The following CDH8 variants were observed in gnomAD, a reference collection of about 807,000 sequenced individuals.
The protein encoded by CDH8 is cadherin-8.
A neutral mutation model predicts 68.1 loss-of-function variants in CDH8; 17 were observed. The observed-to-expected ratio is 0.25, with a 90% CI of 0.17 to 0.37. The LOEUF (loss-of-function observed/expected upper bound fraction) is 0.37, where lower values mean the gene tolerates loss of function less well. CDH8 is among the 10% of genes least tolerant of loss of function. The pLI, the probability that CDH8 is intolerant of heterozygous loss-of-function variation, is 1.00. For synonymous variants in CDH8, 372 were observed against 365.1 expected, an observed-to-expected ratio of 1.02 and a Z score of -0.21; for missense variants, 763 against 999.3, an observed-to-expected ratio of 0.76 and a Z score of 3.19.
In CDH8 at chr16:61,887,570, G is replaced by T. The variant is rs577684804; in HGVS notation, c.547+13609C>A. On this transcript the variant is annotated intron_variant, in intron 3 of 11. Coordinates refer to ENST00000577390, the MANE Select transcript of CDH8 (RefSeq NM_001796.5). The stretch of plus-strand genomic sequence containing the variant: ...TTGTGCCCCTGATGTCTCTTTGTGT[G>T]TCCGGATTTCCTCTTCATGTAAGGA... 4.6e-5 allele frequency among the ~76,000 whole-genome samples: 7 copies of T among 152,164 alleles called. No homozygotes were observed. In the South Asian group the frequency reaches 1.5e-3, roughly 32 times the overall value.
intron 2 of CDH8, among the ~76,000 whole-genome samples, chr16:62,000,484 A>G (rs1177670691): frequency 6.6e-6 from 1 of 152,222 alleles, no homozygotes; most frequent in East Asian, 1.9e-4. Context: ...TTTTCTGAGT[A>G]GACTGGCTTT....
chr16:62,034,040 G>T (rs1902391291), intron 1 of CDH8, among the ~76,000 whole-genome samples: 1 of 152,146 alleles, frequency 6.6e-6, no homozygotes, highest in African/African-American at 2.4e-5. Flanking sequence ...GCTCGGGGAA[G>T]TGGAAAAACA....
At chr16:61,703,141 A>T (rs1964463993) in intron 10 of CDH8, among the ~76,000 whole-genome samples, 1 of 152,196 alleles carries the variant, frequency 6.6e-6, no homozygotes, top group South Asian at 2.1e-4. Context: ...TTCTGAAAAA[A>T]CTATTTCACA....
intron 2 of CDH8, among the ~76,000 whole-genome samples, chr16:61,902,468 TTAAAAGAAAAGCC>T (rs1376374878): frequency 6.6e-6 from 1 of 152,010 alleles, no homozygotes; most frequent in Non-Finnish European, 1.5e-5. Flanking sequence ...GTTTGAATTT[TTAAAAGAAAAGCC>T]CATTGCGATG....
rs751256129 is a variant in CDH8, at chr16:61,821,015, A to T, written c.934T>A (p.Ser312Thr). The T allele has an allele frequency of 6.2e-7, 1 of 1,612,948 alleles. No individual in the cohort carries two copies. The highest frequency in any genetic ancestry group is 1.3e-5 in the African/African-American group (1 of 74,960). Residue 312 changes from serine (S) to threonine (T), a missense_variant, in exon 6 of 12, where the codon TCA (serine) becomes ACA (threonine). Around this residue, in one of 2 missense-constraint regions of CDH8, gnomAD observed 366 missense variants for 563.1 expected, o/e 0.65. Coordinates refer to ENST00000577390, the MANE Select transcript of CDH8 (RefSeq NM_001796.5). ...CCATCTCCATCGATGATATCATATG[A>T]TGACTGTGCATTTTCACCAATATCC... ...DQDIGENAQS[S>T]YDIIDGDGTA...
At chr16:62,029,749 A>C (rs1267950526) in intron 1 of CDH8, among the ~76,000 whole-genome samples, 1 of 152,234 alleles carries the variant, frequency 6.6e-6, no homozygotes, top group African/African-American at 2.4e-5. Flanking sequence ...GGACAGCACA[A>C]GTGGAAAGTC....
At chr16:61,982,146 A>G (rs1249460087) in intron 2 of CDH8, among the ~76,000 whole-genome samples, 1 of 152,184 alleles carries the variant, frequency 6.6e-6, no homozygotes, top group Non-Finnish European at 1.5e-5. Flanking sequence ...GTAATTGCTG[A>G]AGCACATCCT....
chr16:61,702,443 A>T lies in CDH8; in HGVS notation c.1654+11398T>A, dbSNP rs78447790. ...CTTTATTTCTTAATGAGTCAGTGTC[A>T]TTGTAACGACTTGCAAAGACTTGTG... On this transcript the variant is annotated intron_variant, in intron 10 of 11. Transcript: ENST00000577390. 5.4e-3 allele frequency among the ~76,000 whole-genome samples: 821 copies of T among 152,350 alleles called. 13 individuals are homozygous for T. Among genetic ancestry groups the T allele is most frequent in the East Asian group, 0.047 (246 of 5,182 alleles).
At chr16:61,840,762 G>A (rs1962666923) in intron 4 of CDH8, among the ~76,000 whole-genome samples, 1 of 152,006 alleles carries the variant, frequency 6.6e-6, no homozygotes, top group African/African-American at 2.4e-5. Flanking sequence ...ACATATTGGG[G>A]TCTTTCAGGG....
chr16:61,997,532 A>G (rs1429656763), intron 2 of CDH8, among the ~76,000 whole-genome samples: 1 of 152,226 alleles, frequency 6.6e-6, no homozygotes, highest in Non-Finnish European at 1.5e-5. Flanking sequence ...ATCACGAATT[A>G]ATGCTAAAAC....
At chr16:61,949,178 A>G (rs1378441704) in intron 2 of CDH8, among the ~76,000 whole-genome samples, 1 of 152,196 alleles carries the variant, frequency 6.6e-6, no homozygotes, top group African/African-American at 2.4e-5. Context: ...CTTTCTGGGA[A>G]AGGACTCTCT....
intron 10 of CDH8, among the ~76,000 whole-genome samples, chr16:61,672,045 C>A (rs1963807388): frequency 6.6e-6 from 1 of 151,998 alleles, no homozygotes; most frequent in Admixed American, 6.6e-5. Flanking sequence ...CATTTTAATA[C>A]TTTCTTTTAA....
At chr16:61,930,486 A>G (rs1964525255) in intron 2 of CDH8, among the ~76,000 whole-genome samples, 1 of 152,162 alleles carries the variant, frequency 6.6e-6, no homozygotes, top group Non-Finnish European at 1.5e-5. Context: ...CTACAACTAG[A>G]TGGCCTATTT....
intron 7 of CDH8, among the ~76,000 whole-genome samples, chr16:61,798,223 A>C (rs1961542445): frequency 6.6e-6 from 1 of 152,220 alleles, no homozygotes; most frequent in African/African-American, 2.4e-5. Flanking sequence ...ACATTGTGAA[A>C]GGATTACATT....
At chr16:61,813,064 A>G (rs571991598) in intron 7 of CDH8, among the ~76,000 whole-genome samples, 6 of 152,340 alleles carry the variant, frequency 3.9e-5, no homozygotes, top group Admixed American at 2.6e-4. Context: ...ACAGCCAATA[A>G]TAACAAACCC....
intron 8 of CDH8, among the ~76,000 whole-genome samples, chr16:61,737,931 G>C (rs1043108251): frequency 6.6e-5 from 10 of 152,112 alleles, no homozygotes; most frequent in Non-Finnish European, 1.3e-4. Context: ...CAGCAAGCCA[G>C]AGTATAAAGA....
At chr16:61,859,296 T>A (rs772610633) in intron 3 of CDH8, among the ~76,000 whole-genome samples, 1 of 152,056 alleles carries the variant, frequency 6.6e-6, no homozygotes, top group Non-Finnish European at 1.5e-5. Flanking sequence ...GCAGAAGAAT[T>A]GGGAGTAAAA....
Position 61,911,197 on chromosome 16 carries a change from T to C in CDH8, c.253-9724A>G, listed in dbSNP as rs80211844. ...ATGGATGGATGGATGAATGGATGGA[T>C]AGATAGATGGATCAATAACTGATTG... is the stretch of plus-strand genomic sequence containing the variant. On this transcript the variant is annotated intron_variant, in intron 2 of 11. Transcript: ENST00000577390. Among the ~76,000 whole-genome samples the C allele has an allele frequency of 9.5e-4, 145 of 151,932 alleles. 1 individual carries two copies. The highest frequency in any genetic ancestry group is 3.3e-3 in the African/African-American group (138 of 41,432).
intron 3 of CDH8, among the ~76,000 whole-genome samples, chr16:61,898,758 T>C (rs1392772708): frequency 6.6e-6 from 1 of 152,158 alleles, no homozygotes; most frequent in Non-Finnish European, 1.5e-5. Context: ...AGGGATTAAA[T>C]GAGCAGACTA....
Sources: allele counts gnomAD v4.1 joint callset (sites outside exome capture counted in the v4.1 genomes callset), GRCh38; gene constraint gnomAD v4.1.1; regional missense constraint gnomAD v4.1.1; transcripts MANE v1.5; gene names NCBI Gene and HGNC (gene_info 2026-07-23, HGNC 2026-07-21).